Variants in PIK3R4 observed in about 807,000 individuals in gnomAD.
PIK3R4 encodes the protein phosphoinositide 3-kinase regulatory subunit 4.
A neutral mutation model predicts 136.5 loss-of-function variants in PIK3R4; 46 were observed. That is an observed-to-expected ratio of 0.34 (90% confidence interval 0.27 to 0.43). The LOEUF is 0.43. Among genes scored for constraint, PIK3R4 ranks in the 20% least tolerant of loss-of-function variants. The pLI is 1.00. For missense variants in PIK3R4, 1,331 were observed against 1,649.5 expected, an observed-to-expected ratio of 0.81 and a Z score of 3.35; for synonymous variants, 557 against 566.7, an observed-to-expected ratio of 0.98 and a Z score of 0.24.
At chr3:130,715,017 C>T (rs867125210) in intron 9 of PIK3R4, among the ~76,000 whole-genome samples, 27 of 152,038 alleles carry the variant, frequency 1.8e-4, no homozygotes, top group African/African-American at 5.6e-4. Flanking sequence ...CTTGAGGAAT[C>T]ACCATACTGT....
intron 14 of PIK3R4, among the ~76,000 whole-genome samples, chr3:130,688,696 A>G (rs2066501431): frequency 6.6e-6 from 1 of 152,154 alleles, no homozygotes; most frequent in African/African-American, 2.4e-5. Flanking sequence ...TAAAACTAAA[A>G]AGAACATCAT....
chr3:130,709,439 G>A (rs1011664844), intron 9 of PIK3R4, among the ~76,000 whole-genome samples: 2 of 151,914 alleles, frequency 1.3e-5, no homozygotes, highest in African/African-American at 4.8e-5. Flanking sequence ...ACAATTCTCA[G>A]GCAGACTATG....
intron 13 of PIK3R4, among the ~76,000 whole-genome samples, chr3:130,691,195 A>C (rs1377945454): frequency 1.3e-5 from 2 of 151,470 alleles, no homozygotes; most frequent in Non-Finnish European, 2.9e-5. Context: ...TTAAACCCTC[A>C]CTCTTATACC....
chr3:130,723,439 A>G lies in PIK3R4; in HGVS notation c.1956T>C (p.His652=). Residue 652 remains histidine, a synonymous_variant, in exon 7 of 20, where the codon CAT becomes CAC. Transcript: ENST00000356763. The part of the protein sequence containing the change: ...MCQLGLLQKP[H]VYEFASDIAP... ...CAATATCACTGGCAAATTCGTAAACATGGGGTTTTTGTAGCAGTCCTAACT... is the reference window on the plus strand; with the variant it reads ...CAATATCACTGGCAAATTCGTAAACGTGGGGTTTTTGTAGCAGTCCTAACT... The G allele has an allele frequency of 1.9e-6, 3 of 1,604,676 alleles. No homozygotes were observed. Among genetic ancestry groups the G allele is most frequent in the Non-Finnish European group, 2.5e-6 (3 of 1,176,752 alleles).
rs144706319 is a variant in PIK3R4 at position 130,698,696 on chromosome 3, CCTTA to C, written c.3098+5023_3098+5026del. Among the ~76,000 whole-genome samples, 32 of 152,224 alleles carry C rather than the reference CCTTA, an allele frequency of 2.1e-4. No homozygotes were observed. In the East Asian group the frequency reaches 6.0e-3, roughly 28 times the overall value. On this transcript the variant is annotated intron_variant, in intron 13 of 19. Coordinates refer to ENST00000356763, the MANE Select transcript of PIK3R4 (RefSeq NM_014602.3). ...AGGTTTTTTCCTAGGTATAAGCCAT[CCTTA>C]CTTGTTTCTTTGCCTAACTTGTAAT... is the stretch of plus-strand genomic sequence containing the variant.
intron 12 of PIK3R4, among the ~76,000 whole-genome samples, chr3:130,705,050 C>A (rs1344421661): frequency 1.3e-5 from 2 of 152,028 alleles, no homozygotes. Context: ...AAGCTGGTCT[C>A]GAACTCCTGA....
At chr3:130,745,446 C>T (rs2066847230) in intron 1 of PIK3R4, among the ~76,000 whole-genome samples, 182 bp from the exon 2 acceptor site, 1 of 152,138 alleles carries the variant, frequency 6.6e-6, no homozygotes, top group African/African-American at 2.4e-5. Flanking sequence ...TCTAAAAAGA[C>T]CATGTTATTT....
chr3:130,741,753 C>T (rs375172868), intron 2 of PIK3R4, among the ~76,000 whole-genome samples: 1 of 152,166 alleles, frequency 6.6e-6, no homozygotes. Flanking sequence ...AGAATGAAAG[C>T]TCCATAATGG....
intron 2 of PIK3R4, among the ~76,000 whole-genome samples, chr3:130,741,379 G>A (rs2066822816): frequency 6.6e-6 from 1 of 152,158 alleles, no homozygotes; most frequent in Non-Finnish European, 1.5e-5. Context: ...CCCCAGAACT[G>A]AGAGAAAATA....
chr3:130,734,244 G>A (rs1483729440), intron 3 of PIK3R4, 114 bp from the exon 4 acceptor site: 1 of 786,010 alleles, frequency 1.3e-6, no homozygotes, highest in East Asian at 2.6e-5. Flanking sequence ...GAACCTGACT[G>A]CTAAGTGATT....
rs140271304 is a variant in PIK3R4, at chr3:130,679,357, G to A, written c.4035C>T (p.Ile1345=). The change falls in exon 20 of 20, where the codon ATC becomes ATT. Residue 1345 remains isoleucine (I), a synonymous_variant. Transcript: ENST00000356763. ...VATFQTTQGF[I]VTASRDGIVK... ...CAATCCCATCTCTAGAAGCAGTTAC[G>A]ATGAAGCCCTGTGTGGTCTGGAATG... is the stretch of plus-strand genomic sequence containing the variant. 37 of 1,610,648 alleles carry A rather than the reference G, an allele frequency of 2.3e-5. No individual in the cohort carries two copies. The Middle Eastern group carries it at 5.0e-4, about 22-fold the overall frequency.
intron 16 of PIK3R4, among the ~76,000 whole-genome samples, chr3:130,681,895 A>T (rs985838192): frequency 6.6e-6 from 1 of 152,152 alleles, no homozygotes; most frequent in Non-Finnish European, 1.5e-5. Flanking sequence ...GGCCCTTCTG[A>T]AGCAGGAGTG....
At position 130,718,055 on chromosome 3, in the gene PIK3R4, T is replaced by A. The variant is rs1386219093; in HGVS notation, c.2127+334A>T. 1.2e-4 allele frequency among the ~76,000 whole-genome samples: 19 copies of A among 152,316 alleles called. No homozygotes were observed. The East Asian group carries it at 3.5e-3, about 28-fold the overall frequency. ...AACTGGATGCAATCAGTTATACTTT[T>A]TAAAATAAAAAGCAGAGGGCCATCA... On this transcript the variant is annotated intron_variant, in intron 8 of 19. Transcript: ENST00000356763.
chr3:130,685,867 G>C (rs2066486992), intron 15 of PIK3R4, among the ~76,000 whole-genome samples: 1 of 152,100 alleles, frequency 6.6e-6, no homozygotes, highest in Non-Finnish European at 1.5e-5. Context: ...AACCATGCCT[G>C]CCCAAACTTG....
intron 8 of PIK3R4, 74 bp from the exon 9 acceptor site, chr3:130,716,673 C>T (rs1043708814): frequency 5.7e-6 from 5 of 882,740 alleles, no homozygotes; most frequent in Non-Finnish European, 8.6e-6. Context: ...ATAAATACAA[C>T]TTGAGAAAAG....
intron 13 of PIK3R4, among the ~76,000 whole-genome samples, chr3:130,698,713 C>A (rs1419480026): frequency 6.6e-6 from 1 of 152,098 alleles, no homozygotes; most frequent in East Asian, 1.9e-4. Context: ...TGTTTCTTTG[C>A]CTAACTTGTA....
intron 1 of PIK3R4, among the ~76,000 whole-genome samples, chr3:130,745,654 AT>A (rs2066848197): frequency 6.6e-6 from 1 of 152,232 alleles, no homozygotes; most frequent in African/African-American, 2.4e-5. Flanking sequence ...GGCTATGAGA[AT>A]TACAAAGTTA....
In PIK3R4 at chr3:130,690,589, T is replaced by G. The variant is rs143085620; in HGVS notation, c.3164A>C (p.His1055Pro). The G allele has an allele frequency of 6.2e-7, 1 of 1,611,686 alleles. No homozygotes were observed. Among genetic ancestry groups the G allele is most frequent in the East Asian group, 2.2e-5 (1 of 44,850 alleles). The change falls in exon 14 of 20, where the codon CAC (histidine) becomes CCC (proline). Residue 1055 changes from histidine (H) to proline (P), a missense_variant. His to Pro is a moderately conservative substitution (Grantham distance 77). This residue lies in a region of PIK3R4 where 1,180 missense variants were observed against 1,407.0 expected (regional missense o/e 0.84). Transcript: ENST00000356763. The part of the protein sequence containing the change: ...VKTLTFCQGS[H>P]YLAIASDNGA... ...ATTATCAGATGCTATGGCTAAATAG[T>G]GGGAGCCTTGGCAGAATGTGAGCGT...
intron 16 of PIK3R4, 116 bp from the exon 17 acceptor site, chr3:130,681,707 G>A: frequency 3.2e-6 from 2 of 620,022 alleles, no homozygotes; most frequent in Non-Finnish European, 2.9e-6. Flanking sequence ...TTCTTTCAGG[G>A]GGAGAGACAA....
Sources: allele counts gnomAD v4.1 joint callset (sites outside exome capture counted in the v4.1 genomes callset), GRCh38; gene constraint gnomAD v4.1.1; regional missense constraint gnomAD v4.1.1; transcripts MANE v1.5; gene names NCBI Gene and HGNC (gene_info 2026-07-23, HGNC 2026-07-21).